Variants in VPS13A observed in about 807,000 individuals in gnomAD.
The protein encoded by VPS13A is vacuolar protein sorting 13 homolog A, also known as intermembrane lipid transfer protein VPS13A.
Under a neutral mutation model 390.9 loss-of-function variants are expected in VPS13A, and 264 were observed. That is an observed-to-expected ratio of 0.68 (90% confidence interval 0.61 to 0.75). The LOEUF is 0.75. Among genes scored for constraint, VPS13A ranks in the 30% least tolerant of loss-of-function variants. VPS13A has a pLI of 0.00. For missense variants in VPS13A, 3,409 were observed against 3,733.9 expected (o/e 0.91, Z 2.27); for synonymous variants, 1,231 against 1,227.1 (o/e 1.00, Z -0.07).
At chr9:77,372,944 C>T (rs1478754602) in intron 67 of VPS13A, among the ~76,000 whole-genome samples, 1 of 151,910 alleles carries the variant, frequency 6.6e-6, no homozygotes, top group Non-Finnish European at 1.5e-5. Context: ...TGAAGGACCT[C>T]TTCAAGGAGA....
intron 31 of VPS13A, among the ~76,000 whole-genome samples, chr9:77,287,320 G>A (rs1378666961): frequency 6.6e-6 from 1 of 151,232 alleles, no homozygotes; most frequent in African/African-American, 2.4e-5. Flanking sequence ...TCCCACCTCA[G>A]CCTCCTGAGT....
At chr9:77,225,842 C>A in intron 13 of VPS13A, 84 bp from the exon 14 acceptor site, 1 of 1,007,384 alleles carries the variant, frequency 9.9e-7, no homozygotes, top group Non-Finnish European at 1.6e-6. Context: ...TTCTTTAGTG[C>A]AGCCATTTGA....
intron 17 of VPS13A, among the ~76,000 whole-genome samples, chr9:77,233,965 C>T (rs957403584): frequency 3.3e-5 from 5 of 152,136 alleles, no homozygotes; most frequent in Non-Finnish European, 7.4e-5. Context: ...AAATATTCCT[C>T]ATTTAATGGA....
rs572576397 is a variant in VPS13A, at chr9:77,285,608, C to T, written c.3339+1958C>T. 3.9e-5 allele frequency among the ~76,000 whole-genome samples: 6 copies of T among 152,118 alleles called. No homozygotes were observed. The South Asian group carries it at 1.0e-3, about 26-fold the overall frequency. On this transcript the variant is annotated intron_variant, in intron 31 of 71. Coordinates refer to ENST00000360280, the MANE Select transcript of VPS13A (RefSeq NM_033305.3). ...TTCTAATTATTCTCAACTTTTCTGG[C>T]CTTGTTATTAGGCCAACACTTGCTT... is the stretch of plus-strand genomic sequence containing the variant.
At chr9:77,293,847 A>G (rs1452958091) in intron 32 of VPS13A, among the ~76,000 whole-genome samples, 1 of 152,170 alleles carries the variant, frequency 6.6e-6, no homozygotes, top group African/African-American at 2.4e-5. Flanking sequence ...ACTATAATTT[A>G]AAAATACTGA....
At chr9:77,367,993 T>C in intron 61 of VPS13A, 62 bp from the exon 62 acceptor site, 1 of 1,395,768 alleles carries the variant, frequency 7.2e-7, no homozygotes, top group Non-Finnish European at 9.9e-7. Flanking sequence ...AGCCACTCAT[T>C]AATATTAAAA....
chr9:77,306,414 T>TTGTGTGTGTGTGTGTG (rs60382346), intron 34 of VPS13A, among the ~76,000 whole-genome samples: 253 of 140,858 alleles, frequency 1.8e-3, no homozygotes, highest in African/African-American at 6.1e-3. Context: ...GTGTGTGTGT[T>TTGTGTGTGTGTGTGTG]TGTGTGTGTG....
intron 70 of VPS13A, 42 bp from the exon 71 acceptor site, chr9:77,407,491 A>AAT: frequency 6.6e-7 from 1 of 1,525,402 alleles, no homozygotes; most frequent in Non-Finnish European, 9.1e-7. Context: ...GATTTTTACA[A>AAT]CCAGATTATC....
At chr9:77,196,846 G>C (rs1825034712) in intron 1 of VPS13A, among the ~76,000 whole-genome samples, 1 of 151,698 alleles carries the variant, frequency 6.6e-6, no homozygotes, top group South Asian at 2.1e-4. Context: ...CATTTCTTTG[G>C]GATATTTATA....
intron 23 of VPS13A, among the ~76,000 whole-genome samples, chr9:77,264,138 G>A (rs971989302): frequency 6.6e-6 from 1 of 152,104 alleles, no homozygotes; most frequent in Admixed American, 6.5e-5. Context: ...CCCCTGTTCT[G>A]TTCCATTGGT....
At position 77,316,146 on chromosome 9, in the gene VPS13A, T is replaced by C. The variant is rs759329193; in HGVS notation, c.4631-28T>C. 14 of 1,348,948 alleles carry C rather than the reference T, an allele frequency of 1.0e-5. No individual in the cohort carries two copies. The South Asian group carries it at 1.7e-4, about 16-fold the overall frequency. The allele number at this position is 1,348,948 out of a possible 1,614,324, so 83.6% of individuals were successfully genotyped here. On this transcript the variant is annotated intron_variant, in intron 38 of 71. Coordinates refer to ENST00000360280, the MANE Select transcript of VPS13A (RefSeq NM_033305.3). ...TAAATTATTCATAATATATAGCAAA[T>C]ATTTTAATCTATTTTTATTTGTTTT...
intron 23 of VPS13A, among the ~76,000 whole-genome samples, chr9:77,270,757 C>G (rs1826306416): frequency 1.3e-5 from 2 of 152,138 alleles, no homozygotes; most frequent in Non-Finnish European, 2.9e-5. Flanking sequence ...AGATGCCAGC[C>G]TAGCTAAGTG....
rs370144264 is a variant in VPS13A, at chr9:77,321,285, A to C, written c.5532A>C (p.Thr1844=). 1.5e-4 allele frequency: 248 copies of C among 1,610,108 alleles called. No homozygotes were observed. Among genetic ancestry groups the C allele is most frequent in the Non-Finnish European group, 2.0e-4 (237 of 1,177,580 alleles). Reference sequence around the variant, plus strand: ...ATTCAAAAGACCAATTAAACATTACATTATCCAAATGTGGTCTTGTAATGT... The same window carrying C: ...ATTCAAAAGACCAATTAAACATTACCTTATCCAAATGTGGTCTTGTAATGT... ...SFHSKDQLNI[T]LSKCGLVMLN... The change falls in exon 43 of 72, where the codon ACA becomes ACC. Residue 1844 remains threonine, a synonymous_variant. Coordinates refer to ENST00000360280, the MANE Select transcript of VPS13A (RefSeq NM_033305.3).
chr9:77,254,928 A>G (rs747433495), intron 22 of VPS13A, among the ~76,000 whole-genome samples: 18 of 152,184 alleles, frequency 1.2e-4, no homozygotes, highest in African/African-American at 3.4e-4. Context: ...ATAAGATCCT[A>G]TCATCTGTGT....
At chr9:77,400,773 A>G (rs1441744785) in intron 68 of VPS13A, among the ~76,000 whole-genome samples, 1 of 150,594 alleles carries the variant, frequency 6.6e-6, no homozygotes, top group Non-Finnish European at 1.5e-5. Flanking sequence ...GTTTGCAGTG[A>G]GCCGAGATCG....
intron 17 of VPS13A, among the ~76,000 whole-genome samples, chr9:77,236,753 A>G (rs978674365): frequency 1.3e-5 from 2 of 152,230 alleles, no homozygotes; most frequent in South Asian, 2.1e-4. Context: ...AGACAGACAT[A>G]AAGAGGAGAA....
intron 67 of VPS13A, among the ~76,000 whole-genome samples, chr9:77,371,730 A>G (rs1416555115): frequency 2.7e-5 from 4 of 150,436 alleles, no homozygotes; most frequent in African/African-American, 9.8e-5. Context: ...ATATGTATAC[A>G]TGTGCCATGC....
chr9:77,246,829 C>G (rs1824845078), intron 19 of VPS13A, among the ~76,000 whole-genome samples: 1 of 152,008 alleles, frequency 6.6e-6, no homozygotes, highest in Non-Finnish European at 1.5e-5. Flanking sequence ...ATTTGATAAT[C>G]CAGGATTTTT....
chr9:77,392,043 A>C (rs950075223), intron 68 of VPS13A, among the ~76,000 whole-genome samples: 3 of 152,188 alleles, frequency 2.0e-5, no homozygotes, highest in Non-Finnish European at 4.4e-5. Flanking sequence ...CATAAAACAC[A>C]TGCCACGTTA....
Sources: gnomAD v4.1 joint callset for allele counts (sites outside exome capture counted in the v4.1 genomes callset) on GRCh38, gnomAD v4.1.1 for gene constraint, MANE v1.5 for transcripts, NCBI Gene and HGNC (gene_info 2026-07-23, HGNC 2026-07-21) for gene names.